Variants in SEC24A observed in about 807,000 individuals in gnomAD.
The protein encoded by SEC24A is SEC24 homolog A, COPII component, also known as protein transport protein Sec24A.
Under a neutral mutation model 129.4 loss-of-function variants are expected in SEC24A, and 93 were observed. The observed-to-expected ratio is 0.72, with a 90% CI of 0.61 to 0.85. SEC24A has a LOEUF of 0.85. Ranked by LOEUF, SEC24A falls within the 40% of genes least tolerant of loss-of-function variation. The probability of loss-of-function intolerance (pLI) is 0.00; values close to 1 mark genes in which losing one functional copy is unlikely to be tolerated. For synonymous variants in SEC24A, 460 were observed against 467.3 expected, an observed-to-expected ratio of 0.98 and a Z score of 0.20; for missense variants, 1,264 against 1,307.4, an observed-to-expected ratio of 0.97 and a Z score of 0.51.
rs754076974 is a variant in SEC24A, at chr5:134,693,959, A to G, written c.1986+26A>G. ...GTTAGAGAGTCATGAAATGTCTGAT[A>G]AGGTTTATGCTGGTGTTCCATCCCT... On this transcript the variant is annotated intron_variant, in intron 13 of 22. Coordinates refer to ENST00000398844, the MANE Select transcript of SEC24A (RefSeq NM_021982.3). 4 of 1,586,958 alleles carry G rather than the reference A, an allele frequency of 2.5e-6. No individual in the cohort carries two copies. In the Admixed American group the frequency reaches 6.7e-5, roughly 26 times the overall value.
intron 7 of SEC24A, among the ~76,000 whole-genome samples, chr5:134,679,148 T>TC (rs1246144271): frequency 6.6e-6 from 1 of 152,152 alleles, no homozygotes; most frequent in Non-Finnish European, 1.5e-5. Flanking sequence ...AGTGGCTCAG[T>TC]CATGGCTCAC....
chr5:134,676,079 C>G lies in SEC24A; in HGVS notation c.1208C>G (p.Ala403Gly), dbSNP rs570262881. The G allele has an allele frequency of 1.9e-6, 3 of 1,613,272 alleles. No homozygotes were observed. Among genetic ancestry groups the G allele is most frequent in the Non-Finnish European group, 2.5e-6 (3 of 1,179,560 alleles). Residue 403 changes from alanine to glycine, a missense_variant, in exon 7 of 23, where the codon GCC (alanine) becomes GGC (glycine). Ala to Gly is a moderately conservative substitution (Grantham distance 60). Transcript: ENST00000398844. ...CAGACGCAGGCCTTATTGAATAAAG[C>G]CAAACTTCCTTTGGGGCTGCTGCTT... ...IPQTQALLNK[A>G]KLPLGLLLHP...
chr5:134,696,730 CCT>C (rs1458375877), intron 13 of SEC24A, among the ~76,000 whole-genome samples: 1 of 151,724 alleles, frequency 6.6e-6, no homozygotes, highest in African/African-American at 2.4e-5. Context: ...GATCTCCGGC[CCT>C]CGTGATCCAC....
In SEC24A at chr5:134,705,344, G is replaced by A; in HGVS notation, c.2458G>A (p.Val820Ile). Residue 820 changes from valine (V) to isoleucine (I), a missense_variant, in exon 17 of 23, where the codon GTT (valine) becomes ATT (isoleucine). Coordinates refer to ENST00000398844, the MANE Select transcript of SEC24A (RefSeq NM_021982.3). Reference sequence around the variant, plus strand: ...CCCCAAAGGCGAAAGAAGAATTCGTGTTCATACTTTGTGTTTGCCAGTAGT... The same window carrying A: ...CCCCAAAGGCGAAAGAAGAATTCGTATTCATACTTTGTGTTTGCCAGTAGT... ...TSSKGERRIR[V>I]HTLCLPVVST... The A allele has an allele frequency of 6.2e-7, 1 of 1,613,186 alleles. No homozygotes were observed. Among genetic ancestry groups the A allele is most frequent in the East Asian group, 2.2e-5 (1 of 44,834 alleles).
intron 3 of SEC24A, among the ~76,000 whole-genome samples, chr5:134,669,312 A>G (rs11748298): frequency 0.066 from 9,666 of 146,080 alleles, 498 homozygotes; most frequent in Middle Eastern, 0.12. Context: ...GATTACAGGC[A>G]TGCGCCACCC....
chr5:134,650,934 C>T (rs1580669792), intron 1 of SEC24A, among the ~76,000 whole-genome samples: 1 of 151,830 alleles, frequency 6.6e-6, no homozygotes, highest in African/African-American at 2.4e-5. Context: ...GTCACCACAC[C>T]CAGCTAATTT....
intron 3 of SEC24A, among the ~76,000 whole-genome samples, chr5:134,670,311 A>G (rs1476979717): frequency 1.3e-5 from 2 of 152,228 alleles, no homozygotes; most frequent in African/African-American, 4.8e-5. Flanking sequence ...TTCTGTTACA[A>G]ATTCATGGCT....
At chr5:134,714,928 C>A in intron 18 of SEC24A, 96 bp from the exon 19 acceptor site, 2 of 1,264,160 alleles carry the variant, frequency 1.6e-6, no homozygotes, top group Non-Finnish European at 1.1e-6. Context: ...TGTGAATTCT[C>A]TCTGAAAATA....
intron 20 of SEC24A, among the ~76,000 whole-genome samples, chr5:134,720,389 A>G (rs1303097450): frequency 1.3e-5 from 2 of 152,154 alleles, no homozygotes; most frequent in African/African-American, 2.4e-5. Flanking sequence ...AATCCACTCT[A>G]TGATGTTCAT....
At chr5:134,710,253 C>G (rs1752282927) in intron 18 of SEC24A, among the ~76,000 whole-genome samples, 1 of 151,488 alleles carries the variant, frequency 6.6e-6, no homozygotes, top group Non-Finnish European at 1.5e-5. Context: ...CCTCTGTTGC[C>G]CAGGCTGGAG....
chr5:134,671,669 T>A, intron 3 of SEC24A, 140 bp from the exon 4 acceptor site: 1 of 524,278 alleles, frequency 1.9e-6, no homozygotes, highest in South Asian at 3.5e-5. Context: ...AAACTTGGAT[T>A]TTTTATGTTG....
At chr5:134,664,481 T>C (rs2150074524) in intron 2 of SEC24A, among the ~76,000 whole-genome samples, 1 of 152,310 alleles carries the variant, frequency 6.6e-6, no homozygotes, top group South Asian at 2.1e-4. Flanking sequence ...TTATGAAATA[T>C]ATGATTATCT....
At chr5:134,663,336 A>G (rs914700625) in intron 2 of SEC24A, among the ~76,000 whole-genome samples, 2 of 152,118 alleles carry the variant, frequency 1.3e-5, no homozygotes, top group African/African-American at 4.8e-5. Context: ...AGCTTGCTGT[A>G]ACTGCTGACC....
chr5:134,712,658 G>T (rs543908812), intron 18 of SEC24A, among the ~76,000 whole-genome samples: 3 of 150,946 alleles, frequency 2.0e-5, no homozygotes, highest in African/African-American at 4.9e-5. Flanking sequence ...GGCTCTTGTT[G>T]CCCAGGCTGG....
intron 18 of SEC24A, among the ~76,000 whole-genome samples, chr5:134,710,686 T>G (rs1752301390): frequency 6.6e-6 from 1 of 152,216 alleles, no homozygotes; most frequent in African/African-American, 2.4e-5. Context: ...CATTTGCTAC[T>G]TATTATTTAT....
chr5:134,703,076 C>T (rs1284188122), intron 15 of SEC24A, among the ~76,000 whole-genome samples: 1 of 151,974 alleles, frequency 6.6e-6, no homozygotes, highest in Non-Finnish European at 1.5e-5. Context: ...AGTTTTTCTA[C>T]TGATACCCAT....
At chr5:134,684,467 A>G (rs1363041284) in intron 9 of SEC24A, among the ~76,000 whole-genome samples, 1 of 151,526 alleles carries the variant, frequency 6.6e-6, no homozygotes, top group Non-Finnish European at 1.5e-5. Flanking sequence ...AATCCCAGCA[A>G]TTTGGGAGGC....
intron 18 of SEC24A, among the ~76,000 whole-genome samples, chr5:134,709,430 G>A (rs1329801665): frequency 1.3e-5 from 2 of 152,154 alleles, no homozygotes; most frequent in African/African-American, 4.8e-5. Flanking sequence ...GCTTCTCTAA[G>A]CAAAGTATTC....
At chr5:134,681,919 A>C (rs989512907) in intron 8 of SEC24A, among the ~76,000 whole-genome samples, 1 of 152,092 alleles carries the variant, frequency 6.6e-6, no homozygotes, top group Non-Finnish European at 1.5e-5. Context: ...TCATATGTGA[A>C]ATGTTAATAT....
Sources: gnomAD v4.1 joint callset for allele counts (sites outside exome capture counted in the v4.1 genomes callset) on GRCh38, gnomAD v4.1.1 for gene constraint, MANE v1.5 for transcripts, NCBI Gene and HGNC (gene_info 2026-07-23, HGNC 2026-07-21) for gene names.